Variants in KCNAB1 observed in about 807,000 individuals in gnomAD.
KCNAB1 encodes the protein potassium voltage-gated channel subfamily A regulatory beta subunit 1.
Under a neutral mutation model 64.6 loss-of-function variants are expected in KCNAB1, and 35 were observed. The observed-to-expected ratio is 0.54, with a 90% confidence interval of 0.41 to 0.72. KCNAB1 has a LOEUF of 0.72. KCNAB1 is among the 30% of genes least tolerant of loss of function. The pLI is 0.00. For missense variants in KCNAB1, 401 were observed against 512.9 expected (o/e 0.78, Z 2.11); for synonymous variants, 177 against 183.8 (o/e 0.96, Z 0.30).
intron 1 of KCNAB1, among the ~76,000 whole-genome samples, chr3:156,343,390 C>T (rs1045372260): frequency 2.0e-5 from 3 of 152,180 alleles, no homozygotes; most frequent in African/African-American, 7.2e-5. Flanking sequence ...AGATCCCCTA[C>T]CTGACTGCTA....
intron 1 of KCNAB1, among the ~76,000 whole-genome samples, chr3:156,155,845 A>G (rs1251662427): frequency 6.6e-6 from 1 of 152,206 alleles, no homozygotes; most frequent in African/African-American, 2.4e-5. Context: ...AAAAAGATAC[A>G]GATTAAAATT....
chr3:156,175,705 G>T, intron 1 of KCNAB1: 3 of 522,066 alleles, frequency 5.7e-6, no homozygotes, highest in South Asian at 4.7e-5. Context: ...GGTGAAATGG[G>T]ATAGCAGTGG....
chr3:156,137,226 G>T (rs954014142), intron 1 of KCNAB1, among the ~76,000 whole-genome samples: 4 of 151,390 alleles, frequency 2.6e-5, no homozygotes, highest in African/African-American at 4.9e-5. Context: ...ACATTGGTGG[G>T]GGGGGATTGT....
At chr3:156,220,938 T>C (rs1246657993) in intron 1 of KCNAB1, among the ~76,000 whole-genome samples, 1 of 152,240 alleles carries the variant, frequency 6.6e-6, no homozygotes, top group East Asian at 1.9e-4. Flanking sequence ...TACATATGGA[T>C]AGCCAGTTTC....
At chr3:156,230,814 G>T (rs1415330447) in intron 1 of KCNAB1, among the ~76,000 whole-genome samples, 2 of 152,192 alleles carry the variant, frequency 1.3e-5, no homozygotes, top group African/African-American at 4.8e-5. Flanking sequence ...ACATATGATT[G>T]TGTATCTTCT....
At chr3:156,319,317 A>C (rs746225852) in intron 1 of KCNAB1, among the ~76,000 whole-genome samples, 2 of 152,056 alleles carry the variant, frequency 1.3e-5, no homozygotes, top group African/African-American at 2.4e-5. Flanking sequence ...CTCACACTAC[A>C]TTTCCTTCAT....
At chr3:156,310,574 G>T (rs1437968582) in intron 1 of KCNAB1, among the ~76,000 whole-genome samples, 5 of 152,058 alleles carry the variant, frequency 3.3e-5, no homozygotes, top group African/African-American at 4.8e-5. Flanking sequence ...GAGGCCAAGG[G>T]GGGCAGATCA....
intron 13 of KCNAB1, among the ~76,000 whole-genome samples, chr3:156,536,361 T>C (rs918868222): frequency 2.6e-5 from 4 of 152,260 alleles, no homozygotes; most frequent in Non-Finnish European, 5.9e-5. Flanking sequence ...TTAAGGTATC[T>C]AATAGAAAAT....
At chr3:156,206,574 G>A (rs988571513) in intron 1 of KCNAB1, among the ~76,000 whole-genome samples, 4 of 152,218 alleles carry the variant, frequency 2.6e-5, no homozygotes, top group African/African-American at 9.6e-5. Context: ...TACTCTTCAT[G>A]AGCCAAAAAC....
intron 1 of KCNAB1, among the ~76,000 whole-genome samples, chr3:156,328,058 C>T (rs1048530852): frequency 6.6e-6 from 1 of 152,100 alleles, no homozygotes; most frequent in Non-Finnish European, 1.5e-5. Flanking sequence ...GCCAACATTC[C>T]TTCCCATCCA....
intron 1 of KCNAB1, among the ~76,000 whole-genome samples, chr3:156,234,243 G>A (rs1263162510): frequency 2.6e-5 from 4 of 152,112 alleles, no homozygotes; most frequent in Admixed American, 2.6e-4. Flanking sequence ...GAAACCAGAT[G>A]AGGACCATGC....
intron 7 of KCNAB1, among the ~76,000 whole-genome samples, chr3:156,466,490 T>G (rs1177778925): frequency 6.6e-6 from 1 of 151,958 alleles, no homozygotes; most frequent in African/African-American, 2.4e-5. Flanking sequence ...TTTTTAGTTT[T>G]TATTTTATTA....
chr3:156,385,101 T>C (rs940050), intron 1 of KCNAB1, among the ~76,000 whole-genome samples: 44,952 of 152,128 alleles, frequency 0.3, 9,180 homozygotes, highest in African/African-American at 0.59. Flanking sequence ...ATTTATTTCT[T>C]TAAGACTTTG....
At chr3:156,234,225 G>A (rs1716722381) in intron 1 of KCNAB1, among the ~76,000 whole-genome samples, 1 of 152,120 alleles carries the variant, frequency 6.6e-6, no homozygotes, top group South Asian at 2.1e-4. Flanking sequence ...AGGAGAGGGA[G>A]TGTCCTGGAA....
intron 1 of KCNAB1, among the ~76,000 whole-genome samples, chr3:156,316,203 G>A (rs983720818): frequency 1.3e-5 from 2 of 152,188 alleles, no homozygotes; most frequent in Admixed American, 6.5e-5. Flanking sequence ...AGATGATGAA[G>A]CCAAGGCACA....
chr3:156,239,371 G>A (rs1347918842), intron 1 of KCNAB1, among the ~76,000 whole-genome samples: 2 of 152,196 alleles, frequency 1.3e-5, no homozygotes, highest in Admixed American at 6.5e-5. Flanking sequence ...TGCTTGTTAA[G>A]GAAATCTATT....
intron 1 of KCNAB1, chr3:156,291,732 G>C: frequency 6.9e-7 from 1 of 1,447,428 alleles, no homozygotes; most frequent in East Asian, 2.5e-5. Flanking sequence ...AGCCCCTTGT[G>C]CCACTTTGTG....
At chr3:156,126,106 G>T (rs576555412) in intron 1 of KCNAB1, among the ~76,000 whole-genome samples, 3 of 152,176 alleles carry the variant, frequency 2.0e-5, no homozygotes, top group Non-Finnish European at 4.4e-5. Context: ...CAATCCATGT[G>T]TAGGGAAGAG....
rs143486089 is a variant in KCNAB1 at position 156,302,176 on chromosome 3, C to T, written c.276-119440C>T. On this transcript the variant is annotated intron_variant, in intron 1 of 13. Transcript: ENST00000490337. ...AATCTCCAGTTCTGTCTTCACGTCT[C>T]TTTTTTTCTCACTTCGATTCTCCTG... 3.3e-3 allele frequency among the ~76,000 whole-genome samples: 508 copies of T among 152,272 alleles called. 4 individuals carry two copies. The highest frequency in any genetic ancestry group is 0.012 in the African/African-American group (484 of 41,550).
Sources: gnomAD v4.1 joint callset for allele counts (sites outside exome capture counted in the v4.1 genomes callset) on GRCh38, gnomAD v4.1.1 for gene constraint, MANE v1.5 for transcripts, NCBI Gene and HGNC (gene_info 2026-07-23, HGNC 2026-07-21) for gene names.